The following KIR2DL3 variants were observed in gnomAD, a reference collection of about 807,000 sequenced individuals.
KIR2DL3 encodes killer cell immunoglobulin-like receptor 2DL3.
Under a neutral mutation model 33.8 loss-of-function variants are expected in KIR2DL3, and 39 were observed. That is an observed-to-expected ratio of 1.15 (90% CI 0.89 to 1.51). The LOEUF is 1.51. Among genes scored for constraint, KIR2DL3 ranks in the 40% most tolerant of loss-of-function variants. The probability of loss-of-function intolerance (pLI) is 0.00; values close to 1 mark genes in which losing one functional copy is unlikely to be tolerated. For missense variants in KIR2DL3, 462 were observed against 426.2 expected, an observed-to-expected ratio of 1.08 and a Z score of -0.74; for synonymous variants, 174 against 160.2, an observed-to-expected ratio of 1.09 and a Z score of -0.65.
In KIR2DL3 at chr19:54,743,745, A is replaced by C. The variant is rs2071641655; in HGVS notation, c.371-50A>C. On this transcript the variant is annotated intron_variant, in intron 3 of 7. Coordinates refer to ENST00000342376, the MANE Select transcript of KIR2DL3 (RefSeq NM_015868.3). ...GTGAGTTCTCAGCTCAGGTGAAGGG[A>C]GCTGTGACAAGGAAGATCCTCCGTA... The C allele has an allele frequency of 3.3e-6, 5 of 1,497,802 alleles. No individual in the cohort carries two copies. In the African/African-American group the frequency reaches 4.3e-5, roughly 13 times the overall value. The allele number at this position is 1,497,802 out of a possible 1,614,324, so 92.8% of individuals were successfully genotyped here. A position where few individuals can be genotyped will look rare whatever the true frequency, so the allele number is the denominator to read the frequency against.
At chr19:54,740,947 T>G (rs1233550112) in intron 2 of KIR2DL3, among the ~76,000 whole-genome samples, 1 of 151,480 alleles carries the variant, frequency 6.6e-6, no homozygotes, top group Non-Finnish European at 1.5e-5. Context: ...GATCCATGAA[T>G]GCAGGTGGCC....
Position 54,742,046 on chromosome 19 carries a change from T to G in KIR2DL3, c.137T>G (p.Ile46Ser). ...CTGGTGAAATCAGAAGAGACAGTCA[T>G]CCTGCAATGTTGGTCAGATGTCAGG... ...GPLVKSEETV[I>S]LQCWSDVRFQ... Residue 46 changes from isoleucine (I) to serine (S), a missense_variant, in exon 3 of 8, where the codon ATC (isoleucine) becomes AGC (serine). Physicochemically the swap from Ile to Ser is moderately radical, Grantham distance 142. Transcript: ENST00000342376. The G allele has an allele frequency of 6.2e-7, 1 of 1,613,066 alleles. No homozygotes were observed. Among genetic ancestry groups the G allele is most frequent in the South Asian group, 1.1e-5 (1 of 90,976 alleles).
chr19:54,738,632 C>G, intron 1 of KIR2DL3, 53 bp downstream of exon 1: 2 of 1,613,122 alleles, frequency 1.2e-6, no homozygotes, highest in Non-Finnish European at 1.7e-6. Flanking sequence ...AGATCGGGGC[C>G]CAGAGTTGGA....
intron 5 of KIR2DL3, among the ~76,000 whole-genome samples, chr19:54,749,084 G>A (rs1333696957): frequency 1.3e-5 from 2 of 152,062 alleles, no homozygotes; most frequent in Non-Finnish European, 2.9e-5. Flanking sequence ...AGCCGTGAAG[G>A]CACAAAGGTG....
At chr19:54,744,182 C>G in intron 4 of KIR2DL3, 94 bp downstream of exon 4, 1 of 1,558,972 alleles carries the variant, frequency 6.4e-7, no homozygotes, top group Non-Finnish European at 8.7e-7. Flanking sequence ...TGGACAGATG[C>G]AGAGAGAAGA....
chr19:54,749,165 C>T (rs584993), intron 5 of KIR2DL3, among the ~76,000 whole-genome samples: 41,033 of 139,992 alleles, frequency 0.29, 2,982 homozygotes, highest in South Asian at 0.35. Context: ...AATGACAAGA[C>T]GACTGTAGAG....
In KIR2DL3 at chr19:54,752,450, T is replaced by G. The variant is rs763368499; in HGVS notation, c.957T>G (p.Pro319=). ...CVFTQRKITR[P]SQRPKTPPTD... is the part of the protein sequence containing the mutation. ...TCACACAGAGAAAAATCACTCGCCC[T>G]TCTCAGAGGCCCAAGACACCCCCAA... The change falls in exon 8 of 8, where the codon CCT becomes CCG. Residue 319 remains proline, a synonymous_variant. Transcript: ENST00000342376. 4.8e-6 allele frequency: 7 copies of G among 1,466,154 alleles called. 1 individual carries two copies. Among genetic ancestry groups the G allele is most frequent in the Non-Finnish European group, 6.5e-6 (7 of 1,077,718 alleles). The allele number at this position is 1,466,154 out of a possible 1,614,324, so 90.8% of individuals were successfully genotyped here.
intron 5 of KIR2DL3, 95 bp downstream of exon 5, chr19:54,747,480 T>C (rs2072728719): frequency 1.6e-5 from 23 of 1,466,466 alleles, no homozygotes; most frequent in Non-Finnish European, 2.2e-5. Context: ...AGCTCTGACA[T>C]TGTACGCCTG....
At position 54,742,127 on chromosome 19, in the gene KIR2DL3, T is replaced by C. The variant is rs375806044; in HGVS notation, c.218T>C (p.Ile73Thr). The C allele has an allele frequency of 2.0e-4, 329 of 1,613,924 alleles. No homozygotes were observed. The African/African-American group carries it at 3.2e-3, about 16-fold the overall frequency. ...AAGTTTAAGGACACTTTGCACCTCA[T>C]TGGAGAGCACCATGATGGGGTCTCC... ...EGKFKDTLHL[I>T]GEHHDGVSKA... is the part of the protein sequence containing the mutation. The change falls in exon 3 of 8, where the codon ATT becomes ACT. Residue 73 changes from isoleucine to threonine, a missense_variant. Coordinates refer to ENST00000342376, the MANE Select transcript of KIR2DL3 (RefSeq NM_015868.3).
At chr19:54,741,005 G>C (rs1281715521) in intron 2 of KIR2DL3, among the ~76,000 whole-genome samples, 2 of 151,686 alleles carry the variant, frequency 1.3e-5, no homozygotes, top group Admixed American at 6.6e-5. Context: ...AGTCTCCAGA[G>C]GGAACAAAGC....
At chr19:54,742,618 C>T (rs1253776342) in intron 3 of KIR2DL3, among the ~76,000 whole-genome samples, 4 of 151,888 alleles carry the variant, frequency 2.6e-5, no homozygotes, top group Admixed American at 2.0e-4. Context: ...TGTTTTACCT[C>T]CACAAAGTGT....
chr19:54,739,116 G>A (rs2070449602), intron 1 of KIR2DL3, among the ~76,000 whole-genome samples: 1 of 151,550 alleles, frequency 6.6e-6, no homozygotes, highest in Non-Finnish European at 1.5e-5. Flanking sequence ...GGAGATATGG[G>A]CCTGGGTGTG....
Position 54,752,472 on chromosome 19 carries a change from C to G in KIR2DL3, c.979C>G (p.Pro327Ala). 6.8e-7 allele frequency: 1 copy of G among 1,465,900 alleles called. No individual in the cohort carries two copies. The highest frequency in any genetic ancestry group is 9.3e-7 in the Non-Finnish European group (1 of 1,077,556). The allele number at this position is 1,465,900 out of a possible 1,614,324, so 90.8% of individuals were successfully genotyped here. A position where few individuals can be genotyped will look rare whatever the true frequency, so the allele number is the denominator to read the frequency against. The change falls in exon 8 of 8, where the codon CCA becomes GCA. Residue 327 changes from proline to alanine, a missense_variant. Pro to Ala is a conservative substitution (Grantham distance 27). Transcript: ENST00000342376. ...CCCTTCTCAGAGGCCCAAGACACCC[C>G]CAACAGATATCATCGTGTACACGGA... ...TRPSQRPKTPPTDIIVYTELP... is the reference protein window; with the variant it reads ...TRPSQRPKTPATDIIVYTELP...
In KIR2DL3 at chr19:54,742,036, G is replaced by C; in HGVS notation, c.127G>C (p.Glu43Gln). 6.2e-7 allele frequency: 1 copy of C among 1,612,682 alleles called. No individual in the cohort carries two copies. The highest frequency in any genetic ancestry group is 1.1e-5 in the South Asian group (1 of 90,964). Residue 43 changes from glutamate (E) to glutamine (Q), a missense_variant, in exon 3 of 8, where the codon GAG becomes CAG. Transcript: ENST00000342376. ...CCCAGGTCCCCTGGTGAAATCAGAA[G>C]AGACAGTCATCCTGCAATGTTGGTC... Reference protein sequence around the residue: ...AHPGPLVKSEETVILQCWSDV... With the variant: ...AHPGPLVKSEQTVILQCWSDV...
Position 54,752,400 on chromosome 19 carries a change from T to C in KIR2DL3, c.907T>C (p.Tyr303His). 1 of 1,470,032 alleles carries C rather than the reference T, an allele frequency of 6.8e-7. No individual in the cohort carries two copies. 91.1% of individuals were successfully genotyped at this position (1,470,032 alleles called of 1,614,324 possible). The change falls in exon 8 of 8, where the codon TAT becomes CAT. Residue 303 changes from tyrosine (Y) to histidine (H), a missense_variant. Coordinates refer to ENST00000342376, the MANE Select transcript of KIR2DL3 (RefSeq NM_015868.3). ...SDEQDPQEVT[Y>H]AQLNHCVFTQ... ...TGAACAAGACCCTCAGGAGGTGACA[T>C]ATGCACAGTTGAATCACTGCGTTTT...
At chr19:54,744,988 C>CTTTT (rs2072206359) in intron 4 of KIR2DL3, among the ~76,000 whole-genome samples, 1 of 102,870 alleles carries the variant, frequency 9.7e-6, no homozygotes, top group Non-Finnish European at 1.9e-5. Context: ...ACCCTCCACC[C>CTTTT]TTTTATTCCT....
At chr19:54,751,206 T>A (rs1441247709) in intron 5 of KIR2DL3, among the ~76,000 whole-genome samples, 1 of 130,748 alleles carries the variant, frequency 7.6e-6, no homozygotes, top group Non-Finnish European at 1.7e-5. Flanking sequence ...ACCACAGAGA[T>A]CACACGGCAA....
Position 54,742,367 on chromosome 19 carries a change from G to A in KIR2DL3, c.370+88G>A, listed in dbSNP as rs2071337753. 6.5e-6 allele frequency: 10 copies of A among 1,537,822 alleles called. No individual in the cohort carries two copies. In the South Asian group the frequency reaches 6.7e-5, roughly 10 times the overall value. On this transcript the variant is annotated intron_variant, in intron 3 of 7. Transcript: ENST00000342376. ...ACCCCCAGGTAGTTGTAAGGAAGAT[G>A]AGCTTGGTATTCTTATGGAGAGAGA... is the stretch of plus-strand genomic sequence containing the variant.
rs776374282 is a variant in KIR2DL3 at position 54,747,400 on chromosome 19, C to G, written c.715+15C>G. 1 of 1,609,440 alleles carries G rather than the reference C, an allele frequency of 6.2e-7. No individual in the cohort carries two copies. The highest frequency in any genetic ancestry group is 1.1e-5 in the South Asian group (1 of 90,966). On this transcript the variant is annotated intron_variant, in intron 5 of 7. Coordinates refer to ENST00000342376, the MANE Select transcript of KIR2DL3 (RefSeq NM_015868.3). ...CTCCGAAACCGGTGAGTACAGAACC[C>G]TCTTATATCCGCTTTTGGAAACCTG...
Sources: allele counts gnomAD v4.1 joint callset (sites outside exome capture counted in the v4.1 genomes callset), GRCh38; gene constraint gnomAD v4.1.1; transcripts MANE v1.5; gene names NCBI Gene and HGNC (gene_info 2026-07-23, HGNC 2026-07-21).